The following ARHGAP40 variants were observed in gnomAD, a reference collection of about 807,000 sequenced individuals.
The protein encoded by ARHGAP40 is Rho GTPase activating protein 40.
ARHGAP40 carries 43 observed loss-of-function variants against 73.5 expected under a neutral mutation model. The observed-to-expected ratio is 0.58, with a 90% confidence interval of 0.46 to 0.75. The LOEUF is 0.75. Ranked by LOEUF, ARHGAP40 falls within the 30% of genes least tolerant of loss-of-function variation. The pLI, the probability that ARHGAP40 is intolerant of heterozygous loss-of-function variation, is 0.00. For synonymous variants in ARHGAP40, 300 were observed against 352.8 expected (o/e 0.85, Z 1.68); for missense variants, 734 against 861.8 (o/e 0.85, Z 1.86).
intron 6 of ARHGAP40, among the ~76,000 whole-genome samples, 198 bp downstream of exon 6, chr20:38,634,983 G>A (rs911353885): frequency 6.6e-6 from 1 of 151,630 alleles, no homozygotes; most frequent in African/African-American, 2.4e-5. Context: ...CCGGGTTCAA[G>A]CAATTCTTTT....
In ARHGAP40 at chr20:38,639,108, G is replaced by A. The variant is rs75797112; in HGVS notation, c.1120-119G>A. 182 of 1,066,508 alleles carry A rather than the reference G, an allele frequency of 1.7e-4. 1 individual carries two copies. In the East Asian group the frequency reaches 0.01, roughly 60 times the overall value. The allele number at this position is 1,066,508 out of a possible 1,614,324, so 66.1% of individuals were successfully genotyped here. On this transcript the variant is annotated intron_variant, in intron 8 of 14. Coordinates refer to ENST00000373345, the Ensembl canonical transcript of ARHGAP40. ...TTTCGTCCTTACTTCAACCCCACGAGGGAGGTGCTCTTGTTGTCCCCACTT... is the reference window on the plus strand; with the variant it reads ...TTTCGTCCTTACTTCAACCCCACGAAGGAGGTGCTCTTGTTGTCCCCACTT...
At chr20:38,636,517 C>A (rs1421380373) in intron 6 of ARHGAP40, among the ~76,000 whole-genome samples, 3 of 152,112 alleles carry the variant, frequency 2.0e-5, no homozygotes, top group Non-Finnish European at 2.9e-5. Context: ...CCCACCTCAG[C>A]CTCCCAAAGT....
chr20:38,614,797 C>A lies in ARHGAP40; in HGVS notation c.138-8562C>A, dbSNP rs1270702737. Reference sequence around the variant, plus strand: ...AACAATGTCATGAATCCATTCCTTGCACCATCGCACGTTTTTCATGCATTC... The same window carrying A: ...AACAATGTCATGAATCCATTCCTTGAACCATCGCACGTTTTTCATGCATTC... On this transcript the variant is annotated intron_variant, in intron 1 of 14. Coordinates refer to ENST00000373345, the Ensembl canonical transcript of ARHGAP40. 1.2e-5 allele frequency: 8 copies of A among 674,864 alleles called. No individual in the cohort carries two copies. The East Asian group carries it at 2.0e-4, about 17-fold the overall frequency. The allele number at this position is 674,864 out of a possible 1,614,324, so 41.8% of individuals were successfully genotyped here.
chr20:38,624,595 G>A (rs537167105), intron 2 of ARHGAP40, among the ~76,000 whole-genome samples: 7 of 151,822 alleles, frequency 4.6e-5, no homozygotes, highest in Admixed American at 2.0e-4. Flanking sequence ...TTCTGTCCTC[G>A]GGCCTCCTTG....
chr20:38,645,037 A>T (rs2089042801), intron 11 of ARHGAP40, among the ~76,000 whole-genome samples: 1 of 151,768 alleles, frequency 6.6e-6, no homozygotes, highest in Admixed American at 6.6e-5. Context: ...CTGCCTGGGC[A>T]CTCGTCTGTG....
rs994660721 is a variant in ARHGAP40 at position 38,637,875 on chromosome 20, T to C, written c.1041+76T>C. On this transcript the variant is annotated intron_variant, in intron 7 of 14. Transcript: ENST00000373345. ...CTCAGGGGACCATTGTCAGGAGACA[T>C]CCAGCAAAGGGGTGAAAGGATGTGC... 8 of 1,144,528 alleles carry C rather than the reference T, an allele frequency of 7.0e-6. No homozygotes were observed. In the Admixed American group the frequency reaches 1.1e-4, roughly 16 times the overall value. The allele number at this position is 1,144,528 out of a possible 1,614,324, so 70.9% of individuals were successfully genotyped here. A position where few individuals can be genotyped will look rare whatever the true frequency, so the allele number is the denominator to read the frequency against.
intron 3 of ARHGAP40, among the ~76,000 whole-genome samples, chr20:38,627,699 G>A (rs1215991246): frequency 6.7e-6 from 1 of 149,958 alleles, no homozygotes; most frequent in Non-Finnish European, 1.5e-5. Flanking sequence ...GTGTGTTGGT[G>A]TGTGTGTATT....
At chr20:38,626,857 T>G (rs2145603528) in intron 2 of ARHGAP40, 138 bp from the exon 3 acceptor site, 9 of 516,920 alleles carry the variant, frequency 1.7e-5, no homozygotes, top group Non-Finnish European at 2.8e-5. Context: ...GTCTGGTTGG[T>G]GTTAATAGGT....
At chr20:38,626,428 A>G (rs2088899017) in intron 2 of ARHGAP40, among the ~76,000 whole-genome samples, 2 of 152,236 alleles carry the variant, frequency 1.3e-5, no homozygotes, top group Non-Finnish European at 1.5e-5. Flanking sequence ...CTCCTGGAAC[A>G]GAATCCCTGG....
At chr20:38,619,050 T>C (rs530009668) in intron 1 of ARHGAP40, among the ~76,000 whole-genome samples, 1 of 152,128 alleles carries the variant, frequency 6.6e-6, no homozygotes, top group Admixed American at 6.5e-5. Flanking sequence ...CAGAAATGAA[T>C]GTGTTATGGA....
rs146977358 is a variant in ARHGAP40, at chr20:38,604,889, A to G, written c.137+2810A>G. Among the ~76,000 whole-genome samples, 498 of 152,154 alleles carry G rather than the reference A, an allele frequency of 3.3e-3. 4 individuals carry two copies. Among genetic ancestry groups the G allele is most frequent in the African/African-American group, 0.012 (478 of 41,506 alleles). On this transcript the variant is annotated intron_variant, in intron 1 of 14. Transcript: ENST00000373345. ...ATTAAACTTATAAAATCAGCTTATA[A>G]TAATATCACCGTTACCTCTTTTGTT...
At position 38,641,793 on chromosome 20, in the gene ARHGAP40, C is replaced by T. The variant is rs1376685536; in HGVS notation, c.1347C>T (p.Asn449=). 4 of 1,294,850 alleles carry T rather than the reference C, an allele frequency of 3.1e-6. No homozygotes were observed. In the South Asian group the frequency reaches 5.1e-5, roughly 16 times the overall value. The allele number at this position is 1,294,850 out of a possible 1,614,324, so 80.2% of individuals were successfully genotyped here. A position where few individuals can be genotyped will look rare whatever the true frequency, so the allele number is the denominator to read the frequency against. ...TCATCCTCATCCTCCCAGAACCCAA[C>T]AGAAATGCCTTAAAGGTAAGAGTTA... The change falls in exon 10 of 15, where the codon AAC becomes AAT. Residue 449 remains asparagine, a synonymous_variant. Transcript: ENST00000373345.
intron 1 of ARHGAP40, among the ~76,000 whole-genome samples, chr20:38,610,591 T>A (rs796265739): frequency 1.3e-5 from 2 of 152,326 alleles, no homozygotes; most frequent in African/African-American, 4.8e-5. Context: ...AGAAGCTGTA[T>A]AATGGTTTGG....
chr20:38,648,527 C>A, intron 13 of ARHGAP40, 116 bp from the exon 14 acceptor site: 1 of 859,068 alleles, frequency 1.2e-6, no homozygotes, highest in South Asian at 1.6e-5. Flanking sequence ...CCCAGCAGGA[C>A]CAAAAATCAG....
intron 13 of ARHGAP40, among the ~76,000 whole-genome samples, chr20:38,648,217 C>T (rs1214599118): frequency 6.6e-6 from 1 of 152,220 alleles, no homozygotes; most frequent in Non-Finnish European, 1.5e-5. Context: ...CCATAATTAT[C>T]ATATAATAAT....
At chr20:38,639,725 C>A (rs2145611883) in intron 9 of ARHGAP40, among the ~76,000 whole-genome samples, 1 of 152,354 alleles carries the variant, frequency 6.6e-6, no homozygotes, top group Admixed American at 6.5e-5. Context: ...AGCTTATCAG[C>A]ATCATTACCT....
At chr20:38,622,109 A>AT (rs879785746) in intron 1 of ARHGAP40, among the ~76,000 whole-genome samples, 48 of 148,700 alleles carry the variant, frequency 3.2e-4, no homozygotes, top group Admixed American at 1.0e-3. Flanking sequence ...ATATATATAT[A>AT]TTTTTTTTTT....
At chr20:38,631,049 C>T (rs1206210077) in intron 5 of ARHGAP40, among the ~76,000 whole-genome samples, 1 of 152,128 alleles carries the variant, frequency 6.6e-6, no homozygotes, top group African/African-American at 2.4e-5. Flanking sequence ...CAGTGGCTCA[C>T]GCCTGTAATC....
At chr20:38,622,915 A>G (rs752828832) in intron 1 of ARHGAP40, among the ~76,000 whole-genome samples, 7 of 152,190 alleles carry the variant, frequency 4.6e-5, no homozygotes, top group Non-Finnish European at 7.3e-5. Flanking sequence ...TGTGATACAA[A>G]CAGGAGACCC....
Sources: gnomAD v4.1 joint callset for allele counts (sites outside exome capture counted in the v4.1 genomes callset) on GRCh38, gnomAD v4.1.1 for gene constraint, MANE v1.5 for transcripts, NCBI Gene and HGNC (gene_info 2026-07-23, HGNC 2026-07-21) for gene names.